Variants in CFI observed in about 807,000 individuals in gnomAD.
CFI encodes C3B/C4B inactivator.
Under a neutral mutation model 78.8 loss-of-function variants are expected in CFI, and 66 were observed. That is an observed-to-expected ratio of 0.84 (90% CI 0.69 to 1.03). CFI has a LOEUF of 1.03. Among genes scored for constraint, CFI ranks in the 50% least tolerant of loss-of-function variants. The probability of loss-of-function intolerance (pLI) is 0.00; values close to 1 mark genes in which losing one functional copy is unlikely to be tolerated. For missense variants in CFI, 706 were observed against 704.5 expected, an observed-to-expected ratio of 1.00 and a Z score of -0.02; for synonymous variants, 250 against 232.6, an observed-to-expected ratio of 1.07 and a Z score of -0.68.
chr4:109,765,813 C>T (rs1727665105), intron 2 of CFI, among the ~76,000 whole-genome samples: 1 of 151,938 alleles, frequency 6.6e-6, no homozygotes. Flanking sequence ...GGGGGGACGG[C>T]TGTTGAAAGA....
intron 12 of CFI, 67 bp downstream of exon 12, chr4:109,742,423 TG>T: frequency 9.7e-7 from 1 of 1,029,716 alleles, no homozygotes; most frequent in Non-Finnish European, 1.5e-6. Flanking sequence ...GCTGATGTGG[TG>T]GGAGGAGATG....
At chr4:109,792,590 C>T (rs1731521954) in intron 1 of CFI, among the ~76,000 whole-genome samples, 1 of 151,992 alleles carries the variant, frequency 6.6e-6, no homozygotes, top group African/African-American at 2.4e-5. Flanking sequence ...AACCCACCCC[C>T]CCCAAAACAA....
intron 1 of CFI, among the ~76,000 whole-genome samples, chr4:109,783,034 G>A (rs1269258898): frequency 1.3e-5 from 2 of 151,942 alleles, no homozygotes; most frequent in African/African-American, 4.8e-5. Context: ...AACTCAAGAT[G>A]GATTAAGGAC....
At chr4:109,792,781 T>C (rs1579314718) in intron 1 of CFI, among the ~76,000 whole-genome samples, 1 of 152,222 alleles carries the variant, frequency 6.6e-6, no homozygotes, top group East Asian at 1.9e-4. Flanking sequence ...TGTCTGGTAT[T>C]AGTATAGCCA....
the CFI span, among the ~76,000 whole-genome samples, chr4:109,731,316 C>G: frequency 7.9e-5 from 12 of 151,938 alleles, no homozygotes; most frequent in Non-Finnish European, 1.8e-4. Context: ...CACCACTGCA[C>G]TCCAGCTTGG....
At chr4:109,775,081 G>T (rs1463586942) in intron 1 of CFI, among the ~76,000 whole-genome samples, 1 of 152,096 alleles carries the variant, frequency 6.6e-6, no homozygotes. Flanking sequence ...GCTCCAGTCT[G>T]CAGCTCCCAG....
chr4:109,766,456 A>T, intron 2 of CFI, 98 bp downstream of exon 2: 1 of 1,450,538 alleles, frequency 6.9e-7, no homozygotes, highest in Non-Finnish European at 9.6e-7. Context: ...TTGAGTTGTC[A>T]TCATAACATA....
chr4:109,774,185 G>A (rs1476456994), intron 1 of CFI, among the ~76,000 whole-genome samples: 1 of 152,234 alleles, frequency 6.6e-6, no homozygotes, highest in African/African-American at 2.4e-5. Context: ...GGAGATACAA[G>A]AGTGAGCAGG....
Position 109,801,993 on chromosome 4 carries a change from T to C in CFI, c.-22A>G, listed in dbSNP as rs1732824916. On this transcript the variant is annotated 5_prime_UTR_variant, in exon 1 of 13. Transcript: ENST00000394634. ...TCATGTTGGAGGTGTTCGGGGTCTT[T>C]GTCTCTGCTGAGAACTCTTTTCCAC... The C allele has an allele frequency of 2.5e-6, 4 of 1,588,700 alleles. No individual in the cohort carries two copies. The highest frequency in any genetic ancestry group is 1.3e-5 in the African/African-American group (1 of 74,414).
intron 7 of CFI, among the ~76,000 whole-genome samples, chr4:109,754,109 G>C (rs368198857): frequency 1.5e-3 from 229 of 151,496 alleles, no homozygotes; most frequent in African/African-American, 5.2e-3. Context: ...TCAGCCTCCC[G>C]AGTAGCTGGG....
chr4:109,736,106 T>G (rs1351316020), downstream of CFI, among the ~76,000 whole-genome samples: 1 of 152,202 alleles, frequency 6.6e-6, no homozygotes. Flanking sequence ...TAAAACAGAA[T>G]GCTTGAAGTT....
At chr4:109,779,109 C>T (rs937987523) in intron 1 of CFI, among the ~76,000 whole-genome samples, 1 of 152,142 alleles carries the variant, frequency 6.6e-6, no homozygotes, top group African/African-American at 2.4e-5. Context: ...TCCTATTCAA[C>T]ATAGTGTTGG....
chr4:109,798,520 T>TAA (rs80282320), intron 1 of CFI, among the ~76,000 whole-genome samples: 27,228 of 151,002 alleles, frequency 0.18, 4,584 homozygotes, highest in African/African-American at 0.43. Context: ...TTTTTTTTTT[T>TAA]AAAAAGACCA....
chr4:109,733,606 G>T, the CFI span, among the ~76,000 whole-genome samples: 1 of 152,144 alleles, frequency 6.6e-6, no homozygotes, highest in African/African-American at 2.4e-5. Flanking sequence ...GATGTAACTT[G>T]ATGGTAGAGC....
Position 109,761,430 on chromosome 4 carries a change from A to G in CFI, c.658+87T>C, listed in dbSNP as rs919138671. Reference sequence around the variant, plus strand: ...ATTATTGCCTCTGTGACTGGCAACGAGGCATCAATCATTTGTTTACTATAG... The same window carrying G: ...ATTATTGCCTCTGTGACTGGCAACGGGGCATCAATCATTTGTTTACTATAG... On this transcript the variant is annotated intron_variant, in intron 4 of 12. Transcript: ENST00000394634. The G allele has an allele frequency of 3.9e-6, 5 of 1,280,168 alleles. No individual in the cohort carries two copies. In the African/African-American group the frequency reaches 7.3e-5, roughly 19 times the overall value. The allele number at this position is 1,280,168 out of a possible 1,614,324, so 79.3% of individuals were successfully genotyped here. A position where few individuals can be genotyped will look rare whatever the true frequency, so the allele number is the denominator to read the frequency against.
intron 1 of CFI, chr4:109,794,219 T>G (rs1027876881): frequency 4.6e-5 from 7 of 152,178 alleles, no homozygotes; most frequent in African/African-American, 1.7e-4. Context: ...TCTTCATATA[T>G]TCTCTCTTAC....
chr4:109,749,381 A>C, intron 9 of CFI, 60 bp from the exon 10 acceptor site: 2 of 1,530,800 alleles, frequency 1.3e-6, no homozygotes. Flanking sequence ...AAACAGCCCT[A>C]AGATATTTCC....
rs1726879334 is a variant in CFI, at chr4:109,760,309, C to T, written c.844G>A (p.Val282Met). Reference protein sequence around the residue: ...IPSQYQCNGEVDCITGEDEVG... With the variant: ...IPSQYQCNGEMDCITGEDEVG... ...TCATCTTCCCCTGTAATGCAGTCCACCTCACCATTGCATTGATACTGGCTT... is the reference window on the plus strand; with the variant it reads ...TCATCTTCCCCTGTAATGCAGTCCATCTCACCATTGCATTGATACTGGCTT... Residue 282 changes from valine (V) to methionine (M), a missense_variant, in exon 6 of 13, where the codon GTG becomes ATG. Coordinates refer to ENST00000394634, the MANE Select transcript of CFI (RefSeq NM_000204.5). 1.9e-6 allele frequency: 3 copies of T among 1,614,152 alleles called. No homozygotes were observed. The Admixed American group carries it at 5.0e-5, about 27-fold the overall frequency.
intron 1 of CFI, among the ~76,000 whole-genome samples, chr4:109,785,140 T>A (rs1730581627): frequency 6.6e-6 from 1 of 152,082 alleles, no homozygotes; most frequent in African/African-American, 2.4e-5. Flanking sequence ...GAACTAATGA[T>A]AATCTCACCA....
Sources: allele counts gnomAD v4.1 joint callset (sites outside exome capture counted in the v4.1 genomes callset), GRCh38; gene constraint gnomAD v4.1.1; transcripts MANE v1.5; gene names NCBI Gene and HGNC (gene_info 2026-07-23, HGNC 2026-07-21).